WWP2: variants seen among roughly 807,000 people sequenced by gnomAD.
WWP2 encodes NEDD4-like E3 ubiquitin-protein ligase WWP2.
WWP2 carries 57 observed loss-of-function variants against 121.0 expected under a neutral mutation model. That is an observed-to-expected ratio of 0.47 (90% CI 0.38 to 0.59). WWP2 has a LOEUF of 0.59. WWP2 is among the 20% of genes least tolerant of loss of function. WWP2 has a pLI of 0.00. For missense variants in WWP2, 962 were observed against 1,158.9 expected (o/e 0.83, Z 2.47); for synonymous variants, 449 against 441.3 (o/e 1.02, Z -0.22).
At chr16:69,888,500 G>A (rs550872423) in intron 8 of WWP2, among the ~76,000 whole-genome samples, 17 of 152,288 alleles carry the variant, frequency 1.1e-4, no homozygotes, top group Admixed American at 7.2e-4. Flanking sequence ...GACTCAAAGA[G>A]TGTGGCTTTT....
intron 2 of WWP2, among the ~76,000 whole-genome samples, chr16:69,795,386 C>A (rs2056012443): frequency 6.6e-6 from 1 of 151,948 alleles, no homozygotes; most frequent in African/African-American, 2.4e-5. Flanking sequence ...ACTTAAATTA[C>A]AATTATATAA....
chr16:69,890,933 ACATGTGGGCCT>A (rs2058016089), intron 8 of WWP2: 2 of 152,338 alleles, frequency 1.3e-5, no homozygotes, highest in South Asian at 4.2e-4. Flanking sequence ...GATGAGGGCC[ACATGTGGGCCT>A]GGGGAGGCTG....
At chr16:69,843,459 C>A (rs1357089519) in intron 6 of WWP2, among the ~76,000 whole-genome samples, 1 of 151,884 alleles carries the variant, frequency 6.6e-6, no homozygotes, top group Non-Finnish European at 1.5e-5. Context: ...TGTGCAAAAT[C>A]CCCAGATATT....
chr16:69,904,994 G>GT (rs1014369334), intron 8 of WWP2, among the ~76,000 whole-genome samples: 3 of 152,194 alleles, frequency 2.0e-5, no homozygotes, highest in African/African-American at 4.8e-5. Flanking sequence ...AGGAGTATAT[G>GT]TTTTTTGTAA....
At chr16:69,907,966 T>G (rs9938610) in intron 8 of WWP2, among the ~76,000 whole-genome samples, 1 of 152,074 alleles carries the variant, frequency 6.6e-6, no homozygotes, top group Non-Finnish European at 1.5e-5. Flanking sequence ...TTAAGCCGGG[T>G]GCGGTGGCTC....
intron 6 of WWP2, among the ~76,000 whole-genome samples, chr16:69,870,372 C>T (rs1423531389): frequency 1.3e-5 from 2 of 149,394 alleles, no homozygotes; most frequent in South Asian, 2.1e-4. Flanking sequence ...GTGATCTTGG[C>T]TCCCTGAAAC....
At chr16:69,928,467 C>T (rs1054998808) in intron 11 of WWP2, among the ~76,000 whole-genome samples, 4 of 152,082 alleles carry the variant, frequency 2.6e-5, no homozygotes, top group African/African-American at 9.7e-5. Context: ...AGCACAGACT[C>T]CTCCCTTGGG....
intron 6 of WWP2, among the ~76,000 whole-genome samples, chr16:69,858,296 T>A (rs2057355577): frequency 1.3e-5 from 2 of 152,112 alleles, no homozygotes; most frequent in African/African-American, 4.8e-5. Context: ...AGGCCACGGC[T>A]CTGTGTGCCT....
chr16:69,871,665 A>G (rs1441692495), intron 6 of WWP2, 139 bp from the exon 7 acceptor site: 6 of 1,247,602 alleles, frequency 4.8e-6, no homozygotes, highest in Non-Finnish European at 6.6e-6. Context: ...GCTTCTGTTT[A>G]GTCCAAAACT....
intron 6 of WWP2, among the ~76,000 whole-genome samples, chr16:69,850,756 A>C (rs1240996300): frequency 6.6e-6 from 1 of 152,186 alleles, no homozygotes; most frequent in Non-Finnish European, 1.5e-5. Context: ...TAGCGTAGCA[A>C]ACTAGGGTTT....
intron 4 of WWP2, among the ~76,000 whole-genome samples, chr16:69,830,875 G>C (rs1466714204): frequency 6.6e-6 from 1 of 152,192 alleles, no homozygotes; most frequent in Non-Finnish European, 1.5e-5. Flanking sequence ...GTGTGTCTGA[G>C]TTTCAGGGAA....
rs139573012 is a variant in WWP2 at position 69,809,790 on chromosome 16, C to CAGAG, written c.340+10511_340+10514dup. Among the ~76,000 whole-genome samples, 32 of 138,240 alleles carry CAGAG rather than the reference C, an allele frequency of 2.3e-4. 1 individual carries two copies. The South Asian group carries it at 4.8e-3, about 21-fold the overall frequency. 90.7% of individuals were successfully genotyped at this position (138,240 alleles called of 152,430 possible). ...TCAGAAAGAGAAAGAGAGAGAGAGA[C>CAGAG]AGAGAGAGAGAGAGAGAGATAGGAA... is the stretch of plus-strand genomic sequence containing the variant. On this transcript the variant is annotated intron_variant, in intron 4 of 23. Transcript: ENST00000359154.
chr16:69,838,772 C>T (rs2151868742), intron 4 of WWP2: 1 of 985,478 alleles, frequency 1.0e-6, no homozygotes, highest in South Asian at 4.7e-5. Context: ...CCAAGGCCCT[C>T]AGTGGAACTG....
rs1242686880 is a variant in WWP2 at position 69,778,953 on chromosome 16, AT to A, written c.-15-8040del. Among the ~76,000 whole-genome samples the A allele has an allele frequency of 1.9e-4, 25 of 130,148 alleles. No individual in the cohort carries two copies. In the Admixed American group the frequency reaches 2.0e-3, roughly 11 times the overall value. 85.4% of individuals were successfully genotyped at this position (130,148 alleles called of 152,430 possible). On this transcript the variant is annotated intron_variant, in intron 1 of 23. Transcript: ENST00000359154. ...GTCACACCTGGCCGGTTATTTATTT[AT>A]TTATTTATTTTTTGAGATGGAGTCT... is the stretch of plus-strand genomic sequence containing the variant.
At chr16:69,775,622 A>G (rs2055510216) in intron 1 of WWP2, among the ~76,000 whole-genome samples, 1 of 152,138 alleles carries the variant, frequency 6.6e-6, no homozygotes, top group East Asian at 1.9e-4. Flanking sequence ...TACCTGTTTG[A>G]TTATTCTAAA....
intron 4 of WWP2, among the ~76,000 whole-genome samples, chr16:69,825,556 A>G (rs2056671455): frequency 6.7e-6 from 1 of 149,164 alleles, no homozygotes; most frequent in African/African-American, 2.5e-5. Context: ...TGAGCACATT[A>G]TTTTTTATTT....
At chr16:69,915,676 G>C (rs2151970686) in intron 9 of WWP2, among the ~76,000 whole-genome samples, 2 of 152,300 alleles carry the variant, frequency 1.3e-5, no homozygotes, top group South Asian at 4.1e-4. Flanking sequence ...GTCAGCAATG[G>C]GGCAAGAGAC....
intron 4 of WWP2, among the ~76,000 whole-genome samples, chr16:69,825,923 C>G (rs1217957577): frequency 6.6e-6 from 1 of 152,078 alleles, no homozygotes; most frequent in African/African-American, 2.4e-5. Context: ...CACACCCTGC[C>G]TGGAAAATAC....
intron 11 of WWP2, among the ~76,000 whole-genome samples, chr16:69,927,952 G>A (rs1230556625): frequency 2.6e-5 from 4 of 152,130 alleles, no homozygotes; most frequent in Admixed American, 1.3e-4. Flanking sequence ...GTGATCCACC[G>A]TGCCCAGCCT....
Sources: allele counts gnomAD v4.1 joint callset (sites outside exome capture counted in the v4.1 genomes callset), GRCh38; gene constraint gnomAD v4.1.1; transcripts MANE v1.5; gene names NCBI Gene and HGNC (gene_info 2026-07-23, HGNC 2026-07-21).